The following PFKFB3 variants were observed in gnomAD, a reference collection of about 807,000 sequenced individuals.
PFKFB3 encodes the protein 6-phosphofructo-2-kinase/fructose-2,6-bisphosphatase 3.
PFKFB3 carries 33 observed loss-of-function variants against 68.0 expected under a neutral mutation model. The observed-to-expected ratio is 0.49, with a 90% CI of 0.37 to 0.65. The LOEUF is 0.65. PFKFB3 is among the 30% of genes least tolerant of loss of function. The pLI is 0.00. For synonymous variants in PFKFB3, 315 were observed against 288.2 expected (o/e 1.09, Z -0.94); for missense variants, 586 against 712.2 (o/e 0.82, Z 2.02).
In PFKFB3 at chr10:6,232,923, A is replaced by T. The variant is rs755584243; in HGVS notation, c.1544A>T (p.Asp515Val). 1 of 1,612,672 alleles carries T rather than the reference A, an allele frequency of 6.2e-7. No homozygotes were observed. Among genetic ancestry groups the T allele is most frequent in the Non-Finnish European group, 8.5e-7 (1 of 1,179,316 alleles). ...QNMKGSRSSA[D>V]SSRKH ...ATGAAAGGCTCCCGGAGCAGCGCTG[A>T]CTCCTCCAGGAAACACTGAGGCAGA... Residue 515 changes from aspartate (D) to valine (V), a missense_variant, in exon 15 of 15, where the codon GAC (aspartate) becomes GTC (valine). Asp to Val is a radical substitution (Grantham distance 152, BLOSUM62 -3). Transcript: ENST00000379775.
downstream of PFKFB3, among the ~76,000 whole-genome samples, chr10:6,236,106 C>T (rs1035207071): frequency 3.3e-5 from 5 of 152,150 alleles, no homozygotes; most frequent in South Asian, 2.1e-4. Flanking sequence ...ACCCCTTCCC[C>T]GCGCCCTTTT....
chr10:6,185,782 G>A (rs1842853543), intron 1 of PFKFB3, among the ~76,000 whole-genome samples: 1 of 152,084 alleles, frequency 6.6e-6, no homozygotes, highest in African/African-American at 2.4e-5. Flanking sequence ...TGGGATTACA[G>A]GCACCCACCA....
intron 1 of PFKFB3, among the ~76,000 whole-genome samples, chr10:6,177,553 T>C (rs1172221037): frequency 6.7e-6 from 1 of 149,356 alleles, no homozygotes. Context: ...GAGACGGAGT[T>C]TCACTCTTGT....
intron 1 of PFKFB3, among the ~76,000 whole-genome samples, chr10:6,179,959 C>T (rs1343835789): frequency 2.0e-5 from 3 of 152,090 alleles, no homozygotes; most frequent in Non-Finnish European, 4.4e-5. Context: ...CCGGTGAGGT[C>T]GATCCTGGTG....
intron 11 of PFKFB3, 111 bp downstream of exon 11, chr10:6,223,095 G>T: frequency 8.7e-7 from 1 of 1,147,126 alleles, no homozygotes; most frequent in Non-Finnish European, 1.2e-6. Context: ...GCTGTGCCAT[G>T]GGGTGTTAGG....
the PFKFB3 span, among the ~76,000 whole-genome samples, chr10:6,308,022 A>T: frequency 6.6e-6 from 1 of 152,164 alleles, no homozygotes; most frequent in African/African-American, 2.4e-5. Flanking sequence ...GAAAACCCTC[A>T]CCAGATGCTG....
At chr10:6,205,884 A>G (rs1207158431) in intron 1 of PFKFB3, among the ~76,000 whole-genome samples, 1 of 151,914 alleles carries the variant, frequency 6.6e-6, no homozygotes, top group Non-Finnish European at 1.5e-5. Context: ...TGTAACCACC[A>G]ACTCTTGGGC....
the PFKFB3 span, among the ~76,000 whole-genome samples, chr10:6,309,301 C>T: frequency 7.6e-3 from 1,149 of 152,148 alleles, 10 homozygotes; most frequent in African/African-American, 0.026. Flanking sequence ...TGGTGGCTGA[C>T]GCCTATAATC....
At chr10:6,166,955 G>A (rs552864821) in intron 1 of PFKFB3, among the ~76,000 whole-genome samples, 5 of 151,616 alleles carry the variant, frequency 3.3e-5, no homozygotes, top group South Asian at 2.1e-4. Flanking sequence ...TCAGCCTCCC[G>A]AGTAGCTGGG....
the PFKFB3 span, among the ~76,000 whole-genome samples, chr10:6,266,236 C>G: frequency 6.6e-6 from 1 of 152,124 alleles, no homozygotes; most frequent in Admixed American, 6.6e-5. Context: ...TCATTGATTC[C>G]TATTATATTT....
the PFKFB3 span, among the ~76,000 whole-genome samples, chr10:6,286,016 C>T: frequency 3.1e-5 from 4 of 128,134 alleles, no homozygotes; most frequent in Non-Finnish European, 3.1e-5. Flanking sequence ...CTCGCTCTGT[C>T]GCCCAGGCTG....
At chr10:6,159,956 G>C (rs1367528051) in intron 1 of PFKFB3, among the ~76,000 whole-genome samples, 2 of 150,976 alleles carry the variant, frequency 1.3e-5, no homozygotes, top group Admixed American at 6.6e-5. Context: ...ACGAGGTCTT[G>C]CCATCTTGCC....
At chr10:6,183,718 C>T (rs1421496454) in intron 1 of PFKFB3, among the ~76,000 whole-genome samples, 11 of 147,466 alleles carry the variant, frequency 7.5e-5, no homozygotes, top group African/African-American at 1.7e-4. Flanking sequence ...GACAGAGTCT[C>T]GCTCTGTCAC....
intron 1 of PFKFB3, among the ~76,000 whole-genome samples, chr10:6,181,428 A>T (rs1426465794): frequency 6.6e-6 from 1 of 152,238 alleles, no homozygotes; most frequent in African/African-American, 2.4e-5. Context: ...ACACAGTGGA[A>T]TATTATGCAG....
At chr10:6,167,018 G>A (rs1842163581) in intron 1 of PFKFB3, among the ~76,000 whole-genome samples, 1 of 152,070 alleles carries the variant, frequency 6.6e-6, no homozygotes, top group Non-Finnish European at 1.5e-5. Flanking sequence ...CAGTGGAGAT[G>A]GAGTTTCTCC....
chr10:6,214,478 A>G (rs1436463677), intron 2 of PFKFB3, among the ~76,000 whole-genome samples: 2 of 151,920 alleles, frequency 1.3e-5, no homozygotes, highest in Non-Finnish European at 2.9e-5. Flanking sequence ...TGGTCTTCCC[A>G]ACTAGATGGG....
chr10:6,208,524 G>A (rs552983686), intron 1 of PFKFB3, among the ~76,000 whole-genome samples: 1 of 152,062 alleles, frequency 6.6e-6, no homozygotes, highest in Non-Finnish European at 1.5e-5. Context: ...TTTCATCTCA[G>A]TAGCGAGTTA....
chr10:6,156,133 G>GTGTGTA (rs2091137892), intron 1 of PFKFB3, among the ~76,000 whole-genome samples: 1 of 136,560 alleles, frequency 7.3e-6, no homozygotes, highest in African/African-American at 2.8e-5. Context: ...ATATATATGT[G>GTGTGTA]TGTGTGTGTG....
At chr10:6,266,844 G>A in the PFKFB3 span, among the ~76,000 whole-genome samples, 6 of 152,336 alleles carry the variant, frequency 3.9e-5, no homozygotes, top group South Asian at 2.1e-4. Context: ...CTGGGGCCCC[G>A]CATGATGGCC....
Sources: gnomAD v4.1 joint callset for allele counts (sites outside exome capture counted in the v4.1 genomes callset) on GRCh38, gnomAD v4.1.1 for gene constraint, MANE v1.5 for transcripts, NCBI Gene and HGNC (gene_info 2026-07-23, HGNC 2026-07-21) for gene names.